Variants in ACER1 observed in about 807,000 individuals in gnomAD.
The protein encoded by ACER1 is alkaline ceramidase 1.
A neutral mutation model predicts 24.9 loss-of-function variants in ACER1; 28 were observed. That is an observed-to-expected ratio of 1.13 (90% CI 0.83 to 1.54). The LOEUF (loss-of-function observed/expected upper bound fraction) is 1.54, where lower values mean the gene tolerates loss of function less well. ACER1 is among the 40% of genes most tolerant of loss of function. The probability of loss-of-function intolerance (pLI) is 0.00; values close to 1 mark genes in which losing one functional copy is unlikely to be tolerated. For synonymous variants in ACER1, 132 were observed against 131.4 expected (o/e 1.00, Z -0.03); for missense variants, 352 against 349.3 (o/e 1.01, Z -0.06).
upstream of ACER1, among the ~76,000 whole-genome samples, chr19:6,336,872 C>T (rs1476247810): frequency 2.7e-5 from 4 of 150,126 alleles, no homozygotes; most frequent in Admixed American, 6.7e-5. Flanking sequence ...CTATGTTGCC[C>T]TGCATTCCAA....
At chr19:6,359,075 T>A in the ACER1 span, among the ~76,000 whole-genome samples, 8 of 151,852 alleles carry the variant, frequency 5.3e-5, no homozygotes, top group East Asian at 2.0e-4. Context: ...CTACAAAAAA[T>A]TTTAAAATTA....
chr19:6,348,334 A>G, the ACER1 span, among the ~76,000 whole-genome samples: 8,985 of 151,504 alleles, frequency 0.059, 386 homozygotes, highest in African/African-American at 0.12. Flanking sequence ...GTGTGGTGGC[A>G]CGCGCCTGTA....
intron 1 of ACER1, among the ~76,000 whole-genome samples, chr19:6,332,455 T>C (rs10407517): frequency 0.049 from 7,514 of 151,884 alleles, 277 homozygotes; most frequent in African/African-American, 0.11. Flanking sequence ...AAACTTTTTG[T>C]AGAGACAGGG....
At chr19:6,333,711 C>A, upstream of ACER1, 2 of 586,702 alleles carry the variant, frequency 3.4e-6, no homozygotes, top group Non-Finnish European at 6.0e-6. Context: ...TGCACCAGGG[C>A]AGCCTGGCTG....
At chr19:6,335,195 T>C (rs1272505170), upstream of ACER1, among the ~76,000 whole-genome samples, 1 of 146,950 alleles carries the variant, frequency 6.8e-6, no homozygotes, top group Non-Finnish European at 1.5e-5. Context: ...TTTAAGTGCT[T>C]GATTTTCAGT....
intron 3 of ACER1, among the ~76,000 whole-genome samples, chr19:6,311,364 T>G (rs1394788825): frequency 1.3e-5 from 2 of 151,524 alleles, no homozygotes; most frequent in Non-Finnish European, 2.9e-5. Flanking sequence ...GCCAACATGG[T>G]GAAACCGTCT....
chr19:6,354,942 C>A, the ACER1 span, among the ~76,000 whole-genome samples: 3 of 152,202 alleles, frequency 2.0e-5, no homozygotes, highest in African/African-American at 7.2e-5. Context: ...CCTGCCTCAG[C>A]CTGCCGAGTG....
the ACER1 span, among the ~76,000 whole-genome samples, chr19:6,350,338 A>G: frequency 0.012 from 1,794 of 152,260 alleles, 39 homozygotes; most frequent in African/African-American, 0.042. Flanking sequence ...CCAACATGGC[A>G]CATGTATACA....
intron 3 of ACER1, among the ~76,000 whole-genome samples, chr19:6,310,156 G>C (rs887300442): frequency 2.0e-5 from 3 of 151,798 alleles, no homozygotes; most frequent in Non-Finnish European, 4.4e-5. Flanking sequence ...AGTGCGATCT[G>C]GGCTCGCTGC....
chr19:6,306,629 C>T lies in ACER1; in HGVS notation c.*85G>A, dbSNP rs113618237. On this transcript the variant is annotated 3_prime_UTR_variant, in exon 6 of 6. Transcript: ENST00000301452. ...ACAGAGGAAGGAACCACGAGTGTCC[C>T]GCAGGTGCAAGTCCTGACCGGGGCT... 44 of 1,481,538 alleles carry T rather than the reference C, an allele frequency of 3.0e-5. No homozygotes were observed. The African/African-American group carries it at 3.6e-4, about 12-fold the overall frequency. 91.8% of individuals were successfully genotyped at this position (1,481,538 alleles called of 1,614,324 possible).
At chr19:6,319,000 C>T (rs560559384) in intron 1 of ACER1, among the ~76,000 whole-genome samples, 1 of 151,686 alleles carries the variant, frequency 6.6e-6, no homozygotes. Flanking sequence ...ATCAATGGTA[C>T]CTTGCAGGCT....
chr19:6,339,548 T>A, the ACER1 span, among the ~76,000 whole-genome samples: 1 of 152,204 alleles, frequency 6.6e-6, no homozygotes, highest in Non-Finnish European at 1.5e-5. Flanking sequence ...TGGTGATGGC[T>A]GCATAGACAT....
At chr19:6,337,288 T>C (rs765792759), upstream of ACER1, among the ~76,000 whole-genome samples, 1 of 152,068 alleles carries the variant, frequency 6.6e-6, no homozygotes, top group Non-Finnish European at 1.5e-5. Flanking sequence ...CTCTTAACAC[T>C]TAATGACTTT....
At chr19:6,358,653 G>A in the ACER1 span, among the ~76,000 whole-genome samples, 1 of 150,722 alleles carries the variant, frequency 6.6e-6, no homozygotes, top group Non-Finnish European at 1.5e-5. Flanking sequence ...GAGTCCAGTG[G>A]CCGGGCGCAG....
the ACER1 span, among the ~76,000 whole-genome samples, chr19:6,350,658 G>A: frequency 8.1e-4 from 122 of 150,488 alleles, 3 homozygotes; most frequent in Middle Eastern, 3.2e-3. Flanking sequence ...AGGCAGGGAG[G>A]GAAGGATGGA....
chr19:6,338,151 G>C (rs1456736965), upstream of ACER1, among the ~76,000 whole-genome samples: 1 of 151,996 alleles, frequency 6.6e-6, no homozygotes, highest in African/African-American at 2.4e-5. Flanking sequence ...TTAAGAGATG[G>C]AGTCTTGCTC....
intron 1 of ACER1, among the ~76,000 whole-genome samples, chr19:6,321,905 C>A (rs1041871786): frequency 2.0e-5 from 3 of 152,224 alleles, no homozygotes; most frequent in Non-Finnish European, 4.4e-5. Flanking sequence ...AGCCACTGCA[C>A]CCGGCCGGCA....
the ACER1 span, among the ~76,000 whole-genome samples, chr19:6,355,659 C>T: frequency 1.4e-5 from 2 of 140,304 alleles, no homozygotes; most frequent in Non-Finnish European, 3.1e-5. Flanking sequence ...CCGCCCCGTC[C>T]GGGAGGTGAG....
chr19:6,337,899 G>T (rs556017357), upstream of ACER1, among the ~76,000 whole-genome samples: 1,249 of 150,202 alleles, frequency 8.3e-3, 18 homozygotes, highest in African/African-American at 0.029. Context: ...GGATGGTCTC[G>T]ATCTCCCGAC....
Sources: gnomAD v4.1 joint callset for allele counts (sites outside exome capture counted in the v4.1 genomes callset) on GRCh38, gnomAD v4.1.1 for gene constraint, MANE v1.5 for transcripts, NCBI Gene and HGNC (gene_info 2026-07-23, HGNC 2026-07-21) for gene names.